The following FRMD5 variants were observed in gnomAD, a reference collection of about 807,000 sequenced individuals.
FRMD5 encodes the protein FERM domain containing 5, also known as FERM domain-containing protein 5.
Under a neutral mutation model 69.0 loss-of-function variants are expected in FRMD5, and 20 were observed. That is an observed-to-expected ratio of 0.29 (90% CI 0.20 to 0.42). FRMD5 has a LOEUF of 0.42. FRMD5 is among the 10% of genes least tolerant of loss of function. The pLI, the probability that FRMD5 is intolerant of heterozygous loss-of-function variation, is 1.00. For missense variants in FRMD5, 595 were observed against 708.6 expected (o/e 0.84, Z 1.82); for synonymous variants, 271 against 260.1 (o/e 1.04, Z -0.40).
At chr15:44,164,172 C>T (rs16960636) in intron 1 of FRMD5, among the ~76,000 whole-genome samples, 1 of 152,162 alleles carries the variant, frequency 6.6e-6, no homozygotes, top group African/African-American at 2.4e-5. Flanking sequence ...TGTCTATCCC[C>T]GATCATGTTT....
At chr15:44,075,284 A>C (rs1893711399) in intron 1 of FRMD5, among the ~76,000 whole-genome samples, 1 of 152,176 alleles carries the variant, frequency 6.6e-6, no homozygotes, top group South Asian at 2.1e-4. Flanking sequence ...ATGAGGTCTT[A>C]GCCAAATAGA....
chr15:43,993,429 G>A (rs946237342), intron 1 of FRMD5, among the ~76,000 whole-genome samples: 9 of 152,110 alleles, frequency 5.9e-5, no homozygotes, highest in Admixed American at 2.0e-4. Flanking sequence ...TCTTGACCTC[G>A]TGATCCGCCC....
intron 1 of FRMD5, among the ~76,000 whole-genome samples, chr15:43,967,566 C>T (rs1285934394): frequency 6.6e-6 from 1 of 152,112 alleles, no homozygotes; most frequent in African/African-American, 2.4e-5. Flanking sequence ...ATCTGCATAA[C>T]ATCCTATAAG....
intron 1 of FRMD5, among the ~76,000 whole-genome samples, chr15:44,058,045 T>C (rs1892941402): frequency 6.6e-6 from 1 of 152,226 alleles, no homozygotes; most frequent in Admixed American, 6.5e-5. Flanking sequence ...ATTTTCATTA[T>C]CATCAGCAGC....
intron 1 of FRMD5, among the ~76,000 whole-genome samples, chr15:43,947,596 A>C (rs1374507221): frequency 6.6e-6 from 1 of 152,196 alleles, no homozygotes; most frequent in African/African-American, 2.4e-5. Context: ...TGAAGAAAGA[A>C]AGAAAGACGG....
At chr15:43,882,780 T>C (rs1002956393) in intron 13 of FRMD5, among the ~76,000 whole-genome samples, 1 of 152,042 alleles carries the variant, frequency 6.6e-6, no homozygotes, top group Non-Finnish European at 1.5e-5. Flanking sequence ...CTGTGGAGAT[T>C]GGTCAGATTT....
At chr15:44,195,963 G>A (rs1172671875), upstream of FRMD5, among the ~76,000 whole-genome samples, 1 of 152,184 alleles carries the variant, frequency 6.6e-6, no homozygotes, top group Non-Finnish European at 1.5e-5. Flanking sequence ...AGGAAGCAAT[G>A]AATCTTCTCC....
At chr15:43,952,000 C>CTGTGTGTGTGTG (rs367759637) in intron 1 of FRMD5, among the ~76,000 whole-genome samples, 2 of 123,692 alleles carry the variant, frequency 1.6e-5, no homozygotes, top group African/African-American at 3.3e-5. Flanking sequence ...GTGTGTGTGT[C>CTGTGTGTGTGTG]TGTGTGTGTG....
chr15:44,049,799 A>G (rs1159792734), intron 1 of FRMD5, among the ~76,000 whole-genome samples: 1 of 152,216 alleles, frequency 6.6e-6, no homozygotes, highest in Admixed American at 6.5e-5. Context: ...ATTCAAGTCT[A>G]GGTCAACCTA....
At chr15:43,876,317 A>C (rs1316730369) in intron 13 of FRMD5, 1 of 1,037,304 alleles carries the variant, frequency 9.6e-7, no homozygotes, top group African/African-American at 1.6e-5. Flanking sequence ...CTGAATTCCA[A>C]ACTACCCCTG....
intron 1 of FRMD5, among the ~76,000 whole-genome samples, chr15:44,044,116 G>T (rs1892326162): frequency 6.6e-6 from 1 of 152,104 alleles, no homozygotes; most frequent in Non-Finnish European, 1.5e-5. Context: ...TGAAGGATAT[G>T]AACAGACACT....
chr15:44,047,127 T>G (rs1046434247), intron 1 of FRMD5, among the ~76,000 whole-genome samples: 1 of 152,134 alleles, frequency 6.6e-6, no homozygotes, highest in African/African-American at 2.4e-5. Flanking sequence ...GCCAACGTGG[T>G]GAAACCCTGT....
chr15:43,998,545 T>C (rs1247755885), intron 1 of FRMD5, among the ~76,000 whole-genome samples: 2 of 152,200 alleles, frequency 1.3e-5, no homozygotes, highest in African/African-American at 4.8e-5. Flanking sequence ...AGAGGGTGTC[T>C]GTCAATTCTG....
chr15:44,178,147 C>T (rs2077932643), intron 1 of FRMD5, among the ~76,000 whole-genome samples: 1 of 151,948 alleles, frequency 6.6e-6, no homozygotes, highest in African/African-American at 2.4e-5. Context: ...CATAGTGAAA[C>T]TCTATCTCTA....
intron 1 of FRMD5, among the ~76,000 whole-genome samples, chr15:43,976,354 C>T (rs1468646858): frequency 6.6e-6 from 1 of 152,046 alleles, no homozygotes; most frequent in Non-Finnish European, 1.5e-5. Context: ...ACATGACATG[C>T]CAAGAACTAG....
At chr15:44,140,460 C>G (rs2077252910) in intron 1 of FRMD5, among the ~76,000 whole-genome samples, 1 of 152,036 alleles carries the variant, frequency 6.6e-6, no homozygotes, top group African/African-American at 2.4e-5. Context: ...ACCACCACTT[C>G]TAAACAACAT....
At chr15:43,992,379 ATTTATT>A (rs1889726310) in intron 1 of FRMD5, among the ~76,000 whole-genome samples, 2 of 137,214 alleles carry the variant, frequency 1.5e-5, no homozygotes, top group South Asian at 2.3e-4. Flanking sequence ...GGAGTTTTAT[ATTTATT>A]TTTATTTTTT....
chr15:44,191,440 G>T (rs1595575640), intron 1 of FRMD5, among the ~76,000 whole-genome samples: 1 of 152,046 alleles, frequency 6.6e-6, no homozygotes, highest in East Asian at 1.9e-4. Flanking sequence ...ACAAAAATTG[G>T]CCAGGCATGG....
chr15:43,996,696 T>C (rs1360430512), intron 1 of FRMD5, among the ~76,000 whole-genome samples: 1 of 150,758 alleles, frequency 6.6e-6, no homozygotes, highest in East Asian at 2.0e-4. Flanking sequence ...CTTTTTTTTT[T>C]TTTTAAGCTC....
Sources: allele counts gnomAD v4.1 joint callset (sites outside exome capture counted in the v4.1 genomes callset), GRCh38; gene constraint gnomAD v4.1.1; transcripts MANE v1.5; gene names NCBI Gene and HGNC (gene_info 2026-07-23, HGNC 2026-07-21).